TMEFF1: variants seen among roughly 807,000 people sequenced by gnomAD.
The protein encoded by TMEFF1 is transmembrane protein with EGF like and two follistatin like domains 1.
TMEFF1 carries 20 observed loss-of-function variants against 47.5 expected under a neutral mutation model. That is an observed-to-expected ratio of 0.42 (90% CI 0.30 to 0.61). The LOEUF is 0.61. Among genes scored for constraint, TMEFF1 ranks in the 20% least tolerant of loss-of-function variants. The pLI is 0.19. For synonymous variants in TMEFF1, 162 were observed against 166.3 expected, an observed-to-expected ratio of 0.97 and a Z score of 0.20; for missense variants, 411 against 471.1, an observed-to-expected ratio of 0.87 and a Z score of 1.18.
intron 5 of TMEFF1, among the ~76,000 whole-genome samples, chr9:100,519,241 C>G (rs1281131774): frequency 6.6e-6 from 1 of 151,900 alleles, no homozygotes; most frequent in Non-Finnish European, 1.5e-5. Flanking sequence ...AAACCCGTCT[C>G]TAATAAAAAT....
chr9:100,490,865 G>GTGTGTGTGTGTGTGTA (rs1159901701), intron 1 of TMEFF1, among the ~76,000 whole-genome samples: 168 of 148,088 alleles, frequency 1.1e-3, no homozygotes, highest in African/African-American at 3.8e-3. Context: ...GTGTGTGTGT[G>GTGTGTGTGTGTGTGTA]TGTGTGTATG....
chr9:100,532,743 T>C (rs1428668040), intron 5 of TMEFF1, among the ~76,000 whole-genome samples: 1 of 152,178 alleles, frequency 6.6e-6, no homozygotes, highest in East Asian at 1.9e-4. Context: ...ACTGGGTATA[T>C]ACCCAAAGGA....
At chr9:100,549,804 C>T (rs1838799305) in intron 6 of TMEFF1, among the ~76,000 whole-genome samples, 1 of 152,124 alleles carries the variant, frequency 6.6e-6, no homozygotes, top group African/African-American at 2.4e-5. Context: ...CCTTTCTTCT[C>T]AGAGTAGGTG....
intron 5 of TMEFF1, among the ~76,000 whole-genome samples, chr9:100,546,013 G>T (rs1437177911): frequency 6.6e-6 from 1 of 152,184 alleles, no homozygotes; most frequent in Non-Finnish European, 1.5e-5. Context: ...TCTCTAGGAA[G>T]TTCCAAACTT....
At chr9:100,510,240 TA>T (rs1318103602) in intron 3 of TMEFF1, among the ~76,000 whole-genome samples, 1 of 152,194 alleles carries the variant, frequency 6.6e-6, no homozygotes, top group Non-Finnish European at 1.5e-5. Flanking sequence ...CTAGAAGGGC[TA>T]ACAGACTCAC....
intron 7 of TMEFF1, among the ~76,000 whole-genome samples, chr9:100,560,232 C>T (rs1024573892): frequency 6.6e-6 from 1 of 152,054 alleles, no homozygotes; most frequent in Non-Finnish European, 1.5e-5. Flanking sequence ...TGGTATTGTA[C>T]ATGCATTTGT....
chr9:100,498,662 A>G (rs1837702101), intron 1 of TMEFF1, 103 bp from the exon 2 acceptor site: 6 of 1,025,034 alleles, frequency 5.9e-6, no homozygotes, highest in Non-Finnish European at 8.6e-6. Flanking sequence ...GGGGGGCTCA[A>G]TACATTTTAA....
chr9:100,551,927 G>C (rs759934750), intron 7 of TMEFF1, among the ~76,000 whole-genome samples: 1 of 152,156 alleles, frequency 6.6e-6, no homozygotes, highest in Non-Finnish European at 1.5e-5. Context: ...GAAATGTCTT[G>C]GAAGAAGTGG....
At chr9:100,487,788 C>A (rs184730958) in intron 1 of TMEFF1, among the ~76,000 whole-genome samples, 44 of 147,194 alleles carry the variant, frequency 3.0e-4, no homozygotes, top group Non-Finnish European at 4.8e-4. Context: ...TTTTTAAATT[C>A]TAGGAAACTG....
At chr9:100,543,204 A>G (rs1176539311) in intron 5 of TMEFF1, among the ~76,000 whole-genome samples, 1 of 152,134 alleles carries the variant, frequency 6.6e-6, no homozygotes, top group African/African-American at 2.4e-5. Flanking sequence ...CTGGGATTAT[A>G]AGGGTGAGCC....
chr9:100,510,882 T>A (rs1339258911), intron 3 of TMEFF1, among the ~76,000 whole-genome samples: 1 of 152,218 alleles, frequency 6.6e-6, no homozygotes, highest in African/African-American at 2.4e-5. Context: ...TAACCCCTAC[T>A]CTACTCTTCA....
chr9:100,546,028 A>G (rs1449761928), intron 5 of TMEFF1, among the ~76,000 whole-genome samples: 2 of 152,206 alleles, frequency 1.3e-5, no homozygotes, highest in African/African-American at 4.8e-5. Flanking sequence ...AAACTTTCCC[A>G]CATTTTCCTG....
intron 5 of TMEFF1, among the ~76,000 whole-genome samples, chr9:100,530,450 A>G (rs1838355308): frequency 6.6e-6 from 1 of 152,202 alleles, no homozygotes; most frequent in Non-Finnish European, 1.5e-5. Context: ...AGAGAATACT[A>G]CAAACACCTC....
intron 5 of TMEFF1, among the ~76,000 whole-genome samples, chr9:100,539,996 C>T (rs986325485): frequency 6.6e-6 from 1 of 152,104 alleles, no homozygotes; most frequent in Non-Finnish European, 1.5e-5. Context: ...GTTTATAAAC[C>T]TTTAGCTAGA....
At chr9:100,486,102 C>T (rs1837443548) in intron 1 of TMEFF1, among the ~76,000 whole-genome samples, 2 of 151,462 alleles carry the variant, frequency 1.3e-5, no homozygotes. Context: ...GGGAAAAAAC[C>T]CACACCTTTT....
At chr9:100,527,336 A>T (rs1281783279) in intron 5 of TMEFF1, among the ~76,000 whole-genome samples, 1 of 152,200 alleles carries the variant, frequency 6.6e-6, no homozygotes. Flanking sequence ...TACCAGGTTC[A>T]TCTCACTAGG....
In TMEFF1 at chr9:100,473,369, CCG is replaced by C; in HGVS notation, c.-173_-172del. 2.7e-6 allele frequency: 1 copy of C among 375,124 alleles called. No individual in the cohort carries two copies. The highest frequency in any genetic ancestry group is 5.8e-5 in the East Asian group (1 of 17,200). The allele number at this position is 375,124 out of a possible 1,614,324, so 23.2% of individuals were successfully genotyped here. A position where few individuals can be genotyped will look rare whatever the true frequency, so the allele number is the denominator to read the frequency against. On this transcript the variant is annotated 5_prime_UTR_variant, in exon 1 of 10. Coordinates refer to ENST00000374879, the MANE Select transcript of TMEFF1 (RefSeq NM_003692.5). The surrounding 1 kb of genome is among the most constrained non-coding windows in gnomAD (Gnocchi z 5.4). ...GGACCCGCCGACTCCGTCCCGAGCG[CCG>C]CGGGCCCGGGCCTGGCGGACGCTGC...
intron 1 of TMEFF1, among the ~76,000 whole-genome samples, chr9:100,486,039 C>CT (rs71498744): frequency 0.067 from 9,458 of 140,424 alleles, 348 homozygotes; most frequent in African/African-American, 0.082. Context: ...TTCTCTCTCT[C>CT]TTTTTTTTTT....
chr9:100,495,618 A>G (rs1837637399), intron 1 of TMEFF1, among the ~76,000 whole-genome samples: 1 of 152,194 alleles, frequency 6.6e-6, no homozygotes. Context: ...ATGCTTAGTA[A>G]TGGCTTTCTG....
Sources: allele counts gnomAD v4.1 joint callset (sites outside exome capture counted in the v4.1 genomes callset), GRCh38; gene constraint gnomAD v4.1.1; non-coding constraint Gnocchi (gnomAD v3.1); transcripts MANE v1.5; gene names NCBI Gene and HGNC (gene_info 2026-07-23, HGNC 2026-07-21).